Variants in SLC24A3 observed in about 807,000 individuals in gnomAD.
SLC24A3 encodes the protein solute carrier family 24 member 3.
SLC24A3 carries 28 observed loss-of-function variants against 75.8 expected under a neutral mutation model. That is an observed-to-expected ratio of 0.37 (90% CI 0.27 to 0.51). The LOEUF (loss-of-function observed/expected upper bound fraction) is 0.51, where lower values mean the gene tolerates loss of function less well. Ranked by LOEUF, SLC24A3 falls within the 20% of genes least tolerant of loss-of-function variation. The pLI is 0.94. For synonymous variants in SLC24A3, 372 were observed against 334.1 expected (o/e 1.11, Z -1.24); for missense variants, 663 against 847.8 (o/e 0.78, Z 2.71).
intron 9 of SLC24A3, 97 bp from the exon 10 acceptor site, chr20:19,681,761 T>C: frequency 6.3e-7 from 1 of 1,592,022 alleles, no homozygotes; most frequent in South Asian, 1.1e-5. Context: ...TGACTGTGCA[T>C]GCAGACTGGG....
At chr20:19,269,385 T>A (rs544628962) in intron 1 of SLC24A3, among the ~76,000 whole-genome samples, 45 of 152,256 alleles carry the variant, frequency 3.0e-4, no homozygotes, top group Non-Finnish European at 5.7e-4. Context: ...GATGTGTCTC[T>A]GTTAATTTCC....
At chr20:19,553,262 T>A (rs897051858) in intron 3 of SLC24A3, among the ~76,000 whole-genome samples, 1 of 152,136 alleles carries the variant, frequency 6.6e-6, no homozygotes, top group Admixed American at 6.5e-5. Context: ...CACCTCTGTA[T>A]GTGTGTGCAC....
Position 19,430,220 on chromosome 20 carries a change from A to C in SLC24A3, c.272-85268A>C, listed in dbSNP as rs1236891438. 2.6e-5 allele frequency among the ~76,000 whole-genome samples: 4 copies of C among 152,108 alleles called. No individual in the cohort carries two copies. In the South Asian group the frequency reaches 8.3e-4, roughly 32 times the overall value. On this transcript the variant is annotated intron_variant, in intron 2 of 16. Coordinates refer to ENST00000328041, the MANE Select transcript of SLC24A3 (RefSeq NM_020689.4). ...GGAGCCATCATCTCTGCTGGCACTG[A>C]TCTTACAGACATGGCCAAAGACATC...
At chr20:19,441,375 AAAGG>A (rs1987297169) in intron 2 of SLC24A3, among the ~76,000 whole-genome samples, 1 of 152,184 alleles carries the variant, frequency 6.6e-6, no homozygotes, top group Non-Finnish European at 1.5e-5. Context: ...ATCTGAAAGC[AAAGG>A]AAGGAAGTGT....
At chr20:19,294,401 C>G (rs1310152090) in intron 2 of SLC24A3, among the ~76,000 whole-genome samples, 1 of 152,148 alleles carries the variant, frequency 6.6e-6, no homozygotes, top group African/African-American at 2.4e-5. Flanking sequence ...TTAAGCCCCA[C>G]ATGCATTAGC....
chr20:19,537,065 A>G (rs1311547590), intron 3 of SLC24A3, among the ~76,000 whole-genome samples: 1 of 152,240 alleles, frequency 6.6e-6, no homozygotes, highest in Non-Finnish European at 1.5e-5. Flanking sequence ...ACAGCAAAAG[A>G]AACTGCCATC....
At chr20:19,533,516 C>T (rs2030341326) in intron 3 of SLC24A3, among the ~76,000 whole-genome samples, 1 of 152,162 alleles carries the variant, frequency 6.6e-6, no homozygotes, top group South Asian at 2.1e-4. Context: ...AGAGGCAATA[C>T]CTATGTGGAG....
chr20:19,610,273 A>G (rs1238365993), intron 6 of SLC24A3, among the ~76,000 whole-genome samples: 1 of 152,112 alleles, frequency 6.6e-6, no homozygotes, highest in Non-Finnish European at 1.5e-5. Flanking sequence ...TACAAAGGAA[A>G]ACATTGGGAT....
intron 3 of SLC24A3, among the ~76,000 whole-genome samples, chr20:19,519,455 T>C (rs957177566): frequency 9.2e-5 from 14 of 152,222 alleles, no homozygotes; most frequent in Non-Finnish European, 2.1e-4. Flanking sequence ...ATCTTTCGTG[T>C]TTTATGTATT....
chr20:19,463,525 G>A (rs981103282), intron 2 of SLC24A3, among the ~76,000 whole-genome samples: 5 of 152,192 alleles, frequency 3.3e-5, no homozygotes, highest in Admixed American at 6.5e-5. Context: ...ACAGGTCCCC[G>A]AGTGAATGCA....
At chr20:19,358,300 G>C (rs759280824) in intron 2 of SLC24A3, among the ~76,000 whole-genome samples, 5 of 152,108 alleles carry the variant, frequency 3.3e-5, no homozygotes, top group Non-Finnish European at 7.4e-5. Context: ...GTCTAAGATT[G>C]GACTCAACAT....
intron 2 of SLC24A3, among the ~76,000 whole-genome samples, chr20:19,387,054 C>G (rs1986284403): frequency 6.6e-6 from 1 of 151,992 alleles, no homozygotes; most frequent in Non-Finnish European, 1.5e-5. Context: ...TTTTCTATTT[C>G]TTCATAATTT....
intron 2 of SLC24A3, among the ~76,000 whole-genome samples, chr20:19,471,683 C>T (rs994448772): frequency 6.6e-6 from 1 of 152,096 alleles, no homozygotes; most frequent in African/African-American, 2.4e-5. Context: ...ATCACTCTGT[C>T]GGGGAAGAGT....
At chr20:19,644,554 C>T (rs895091243) in intron 6 of SLC24A3, among the ~76,000 whole-genome samples, 23 of 152,198 alleles carry the variant, frequency 1.5e-4, no homozygotes, top group African/African-American at 5.3e-4. Flanking sequence ...GTTCTGCACT[C>T]ATCAGTCTGA....
intron 2 of SLC24A3, among the ~76,000 whole-genome samples, chr20:19,454,739 C>T (rs530055181): frequency 1.3e-5 from 2 of 152,224 alleles, no homozygotes; most frequent in Admixed American, 6.5e-5. Context: ...GCTATCTGCA[C>T]AACCTGCAGA....
chr20:19,623,306 C>CA (rs1395479573), intron 6 of SLC24A3, among the ~76,000 whole-genome samples: 3 of 152,118 alleles, frequency 2.0e-5, no homozygotes, highest in East Asian at 1.9e-4. Flanking sequence ...GCCATAAATG[C>CA]TTTCTCAAAA....
intron 6 of SLC24A3, among the ~76,000 whole-genome samples, chr20:19,627,487 C>T (rs1460717279): frequency 2.0e-5 from 3 of 152,080 alleles, no homozygotes; most frequent in Non-Finnish European, 4.4e-5. Context: ...TTACACTTTC[C>T]ATGGACACAA....
chr20:19,459,704 G>A (rs1418824759), intron 2 of SLC24A3, among the ~76,000 whole-genome samples: 1 of 152,144 alleles, frequency 6.6e-6, no homozygotes, highest in African/African-American at 2.4e-5. Flanking sequence ...TCAGTGTGAT[G>A]TCTCTCTGGA....
At chr20:19,226,833 G>A (rs576384965) in intron 1 of SLC24A3, among the ~76,000 whole-genome samples, 118 of 152,284 alleles carry the variant, frequency 7.7e-4, no homozygotes, top group African/African-American at 2.8e-3. Flanking sequence ...ACATCCTGTG[G>A]TCTTAACTAT....
Sources: gnomAD v4.1 joint callset for allele counts (sites outside exome capture counted in the v4.1 genomes callset) on GRCh38, gnomAD v4.1.1 for gene constraint, MANE v1.5 for transcripts, NCBI Gene and HGNC (gene_info 2026-07-23, HGNC 2026-07-21) for gene names.